Variants in XIRP2 observed in about 807,000 individuals in gnomAD.
XIRP2 encodes xin actin binding repeat containing 2.
In XIRP2, 236 loss-of-function variants were observed where a neutral mutation model predicts 277.0. That is an observed-to-expected ratio of 0.85 (90% CI 0.77 to 0.95). The LOEUF is 0.95. XIRP2 is among the 40% of genes least tolerant of loss of function. XIRP2 has a pLI of 0.00. For missense variants in XIRP2, 4,640 were observed against 4,157.5 expected, an observed-to-expected ratio of 1.12 and a Z score of -3.19; for synonymous variants, 1,490 against 1,416.5, an observed-to-expected ratio of 1.05 and a Z score of -1.17.
chr2:166,896,360 C>T (rs1221858499), intron 1 of XIRP2, among the ~76,000 whole-genome samples: 1 of 152,002 alleles, frequency 6.6e-6, no homozygotes, highest in Non-Finnish European at 1.5e-5. Context: ...CATGTTCATG[C>T]CCCTGAAAAC....
At chr2:167,128,788 C>A (rs985921889) in intron 2 of XIRP2, among the ~76,000 whole-genome samples, 1 of 152,154 alleles carries the variant, frequency 6.6e-6, no homozygotes, top group Admixed American at 6.5e-5. Context: ...TATTATCACA[C>A]TCTTTTTTGT....
chr2:167,121,055 A>G (rs544910757), intron 2 of XIRP2, among the ~76,000 whole-genome samples: 9 of 152,172 alleles, frequency 5.9e-5, no homozygotes, highest in Non-Finnish European at 1.3e-4. Flanking sequence ...ATGGAAGCCT[A>G]CAGAGATGAA....
chr2:167,086,932 T>C (rs1689964395), intron 2 of XIRP2, among the ~76,000 whole-genome samples: 1 of 152,250 alleles, frequency 6.6e-6, no homozygotes, highest in Non-Finnish European at 1.5e-5. Flanking sequence ...TGAAGCCTTC[T>C]TCTGTCAGCT....
intron 1 of XIRP2, among the ~76,000 whole-genome samples, chr2:166,890,407 A>G (rs1684072237): frequency 6.6e-6 from 1 of 152,118 alleles, no homozygotes; most frequent in African/African-American, 2.4e-5. Flanking sequence ...AAACTAGCTG[A>G]AACTCCCCGA....
In XIRP2 at chr2:167,251,204, A is replaced by G. The variant is rs746112192; in HGVS notation, c.9812A>G (p.Tyr3271Cys). 28 of 1,613,390 alleles carry G rather than the reference A, an allele frequency of 1.7e-5. No individual in the cohort carries two copies. The highest frequency in any genetic ancestry group is 2.4e-5 in the Non-Finnish European group (28 of 1,179,694). ...AGGAAAGTGGAGAAGAGAGCTACTT[A>G]TGTTCATAAAGATGGACTAAATTCC... ...EIRKVEKRAT[Y>C]VHKDGLNSTD... is the part of the protein sequence containing the mutation. Residue 3271 changes from tyrosine to cysteine, a missense_variant, in exon 9 of 11, where the codon TAT becomes TGT. Physicochemically the swap from Tyr to Cys is radical, Grantham distance 194. Transcript: ENST00000409195.
chr2:167,034,815 AC>A (rs1361838259), intron 2 of XIRP2, among the ~76,000 whole-genome samples: 1 of 152,150 alleles, frequency 6.6e-6, no homozygotes, highest in Non-Finnish European at 1.5e-5. Flanking sequence ...AAAGAGATTG[AC>A]CTGATATGGT....
intron 2 of XIRP2, among the ~76,000 whole-genome samples, chr2:166,981,856 G>C (rs1319803311): frequency 6.6e-6 from 1 of 152,160 alleles, no homozygotes; most frequent in Non-Finnish European, 1.5e-5. Context: ...TTGAAGGGAT[G>C]CTACTCAACA....
intron 2 of XIRP2, among the ~76,000 whole-genome samples, chr2:167,070,137 T>G (rs2105249777): frequency 6.6e-6 from 1 of 151,888 alleles, no homozygotes; most frequent in African/African-American, 2.4e-5. Flanking sequence ...CTCTCTGAAC[T>G]TCTGCTTGTA....
chr2:166,987,910 A>G (rs148589458), intron 2 of XIRP2, among the ~76,000 whole-genome samples: 5 of 152,350 alleles, frequency 3.3e-5, no homozygotes, highest in Non-Finnish European at 5.9e-5. Context: ...TGAATGCATA[A>G]CAAATAGGAA....
intron 2 of XIRP2, among the ~76,000 whole-genome samples, chr2:167,099,190 T>C (rs766913577): frequency 1.1e-4 from 17 of 152,166 alleles, no homozygotes; most frequent in Non-Finnish European, 2.2e-4. Context: ...CCTTTCTTTC[T>C]GAGATGCCCT....
Position 166,979,494 on chromosome 2 carries a change from A to G in XIRP2, c.408+75604A>G, listed in dbSNP as rs569001047. Among the ~76,000 whole-genome samples the G allele has an allele frequency of 1.7e-4, 26 of 150,850 alleles. No homozygotes were observed. In the South Asian group the frequency reaches 5.0e-3, roughly 29 times the overall value. On this transcript the variant is annotated intron_variant, in intron 2 of 10. Coordinates refer to ENST00000409195, the MANE Select transcript of XIRP2 (RefSeq NM_152381.6). The stretch of plus-strand genomic sequence containing the variant: ...GAAAGCATTCAATATATCACCATTA[A>G]GTAAGATGCTAAGAGTAGGGTTTTT...
intron 2 of XIRP2, among the ~76,000 whole-genome samples, chr2:167,084,785 A>T (rs201023365): frequency 2.0e-5 from 3 of 149,288 alleles, no homozygotes; most frequent in Admixed American, 2.0e-4. Context: ...ATCGGTGGTG[A>T]TATCCCCTTT....
Position 167,249,677 on chromosome 2 carries a change from A to G in XIRP2, c.8285A>G (p.His2762Arg), listed in dbSNP as rs898279461. The G allele has an allele frequency of 1.2e-6, 2 of 1,613,472 alleles. No homozygotes were observed. The highest frequency in any genetic ancestry group is 1.3e-5 in the African/African-American group (1 of 74,882). The change falls in exon 9 of 11, where the codon CAT becomes CGT. Residue 2762 changes from histidine to arginine, a missense_variant. Transcript: ENST00000409195. ...KKTEASTECSHKQSLAERHYQ... is the reference protein window; with the variant it reads ...KKTEASTECSRKQSLAERHYQ... ...ACTGAAGCAAGCACTGAATGTAGTCATAAGCAATCTCTGGCTGAAAGACAT... is the reference window on the plus strand; with the variant it reads ...ACTGAAGCAAGCACTGAATGTAGTCGTAAGCAATCTCTGGCTGAAAGACAT...
intron 3 of XIRP2, among the ~76,000 whole-genome samples, chr2:167,152,748 T>A (rs1334891981): frequency 1.3e-5 from 2 of 152,148 alleles, no homozygotes; most frequent in African/African-American, 4.8e-5. Flanking sequence ...GTCATTATAA[T>A]AAGGGAACAG....
chr2:166,889,449 G>A (rs77284501), intron 1 of XIRP2: 13,071 of 152,546 alleles, frequency 0.086, 686 homozygotes, highest in South Asian at 0.17. Flanking sequence ...GTGAGACACA[G>A]CAGAGGTTCT....
In XIRP2 at chr2:167,201,256, AAGAAAG is replaced by A. The variant is rs1294407255; in HGVS notation, c.563-9475_563-9470del. Among the ~76,000 whole-genome samples the A allele has an allele frequency of 1.1e-3, 116 of 101,266 alleles. 3 individuals are homozygous for A. Among genetic ancestry groups the A allele is most frequent in the African/African-American group, 4.2e-3 (105 of 25,038 alleles). 66.4% of individuals were successfully genotyped at this position (101,266 alleles called of 152,430 possible). A position where few individuals can be genotyped will look rare whatever the true frequency, so the allele number is the denominator to read the frequency against. On this transcript the variant is annotated intron_variant, in intron 3 of 10. Coordinates refer to ENST00000409195, the MANE Select transcript of XIRP2 (RefSeq NM_152381.6). ...AAAGAAAGAAAGAAAGAAAGAAAGAAAGAAAGAGAGAGGGAGAAAGGAAAGAAGGAA... is the reference window on the plus strand; with the variant it reads ...AAAGAAAGAAAGAAAGAAAGAAAGAAAGAGAGGGAGAAAGGAAAGAAGGAA...
At chr2:166,908,634 T>G (rs1167986261) in intron 2 of XIRP2, among the ~76,000 whole-genome samples, 1 of 152,212 alleles carries the variant, frequency 6.6e-6, no homozygotes, top group Non-Finnish European at 1.5e-5. Context: ...ATCCCATTTG[T>G]CAATTTTGGC....
chr2:167,138,363 C>T (rs1168683291), intron 3 of XIRP2, among the ~76,000 whole-genome samples: 1 of 152,124 alleles, frequency 6.6e-6, no homozygotes, highest in African/African-American at 2.4e-5. Context: ...AGTTTGGTTC[C>T]ACTCCAATAT....
chr2:167,143,681 A>G (rs1212454260), intron 3 of XIRP2, among the ~76,000 whole-genome samples: 1 of 152,184 alleles, frequency 6.6e-6, no homozygotes, highest in Admixed American at 6.5e-5. Flanking sequence ...TTTGCATGAA[A>G]AGGAAAAACT....
Sources: gnomAD v4.1 joint callset for allele counts (sites outside exome capture counted in the v4.1 genomes callset) on GRCh38, gnomAD v4.1.1 for gene constraint, MANE v1.5 for transcripts, NCBI Gene and HGNC (gene_info 2026-07-23, HGNC 2026-07-21) for gene names.